The following CCDC63 variants were observed in gnomAD, a reference collection of about 807,000 sequenced individuals.
The protein encoded by CCDC63 is coiled-coil domain containing 63.
CCDC63 carries 54 observed loss-of-function variants against 63.6 expected under a neutral mutation model. The observed-to-expected ratio is 0.85, with a 90% CI of 0.68 to 1.07. CCDC63 has a LOEUF of 1.07. Ranked by LOEUF, CCDC63 falls within the 50% of genes least tolerant of loss-of-function variation. The pLI, the probability that CCDC63 is intolerant of heterozygous loss-of-function variation, is 0.00. For synonymous variants in CCDC63, 253 were observed against 266.1 expected, an observed-to-expected ratio of 0.95 and a Z score of 0.48; for missense variants, 637 against 689.6, an observed-to-expected ratio of 0.92 and a Z score of 0.86.
chr12:110,881,200 G>A lies in CCDC63; in HGVS notation c.757G>A (p.Glu253Lys). Residue 253 changes from glutamate (E) to lysine (K), a missense_variant, in exon 7 of 12, where the codon GAG becomes AAG. Transcript: ENST00000308208. ...SQYNLEIREL[E>K]RLYAHESKLK... is the part of the protein sequence containing the mutation. The stretch of plus-strand genomic sequence containing the variant: ...GTACAACCTGGAGATCCGAGAGCTG[G>A]AGCGTCTCTATGCCCATGAGAGCAA... 1 of 1,613,728 alleles carries A rather than the reference G, an allele frequency of 6.2e-7. No homozygotes were observed. The highest frequency in any genetic ancestry group is 8.5e-7 in the Non-Finnish European group (1 of 1,179,978).
chr12:110,886,299 T>A (rs2071277539), intron 8 of CCDC63, among the ~76,000 whole-genome samples: 1 of 152,010 alleles, frequency 6.6e-6, no homozygotes, highest in South Asian at 2.1e-4. Flanking sequence ...GGCAGGAGAA[T>A]CCTTTGAACC....
intron 4 of CCDC63, among the ~76,000 whole-genome samples, chr12:110,864,315 G>A (rs2070906463): frequency 6.6e-6 from 1 of 152,028 alleles, no homozygotes; most frequent in African/African-American, 2.4e-5. Flanking sequence ...AAAGTTTTCT[G>A]AGTCCTACAC....
chr12:110,896,517 T>C (rs1488043359), intron 9 of CCDC63, among the ~76,000 whole-genome samples: 1 of 152,126 alleles, frequency 6.6e-6, no homozygotes, highest in Admixed American at 6.6e-5. Flanking sequence ...CCCCTTGAGA[T>C]CATTATCCGG....
rs532151775 is a variant in CCDC63, at chr12:110,887,634, T to A, written c.1074+3384T>A. 3.7e-3 allele frequency among the ~76,000 whole-genome samples: 561 copies of A among 151,910 alleles called. 4 individuals carry two copies. The highest frequency in any genetic ancestry group is 0.013 in the African/African-American group (532 of 41,438). On this transcript the variant is annotated intron_variant, in intron 8 of 11. Transcript: ENST00000308208. Reference sequence around the variant, plus strand: ...GACTAAGGGATCAGGTTAAAAAAATTTTTTTTTAATTAAAAACAATTAGAA... The same window carrying A: ...GACTAAGGGATCAGGTTAAAAAAATATTTTTTTAATTAAAAACAATTAGAA...
At chr12:110,854,971 T>G (rs2070752991) in intron 3 of CCDC63, among the ~76,000 whole-genome samples, 1 of 151,600 alleles carries the variant, frequency 6.6e-6, no homozygotes. Flanking sequence ...GCTAATTTTT[T>G]GTATCGATGG....
chr12:110,871,343 G>A (rs192164195), intron 4 of CCDC63, among the ~76,000 whole-genome samples: 5 of 152,018 alleles, frequency 3.3e-5, no homozygotes, highest in East Asian at 1.9e-4. Context: ...GGGTTTCACC[G>A]TGTTAGCTAG....
intron 9 of CCDC63, among the ~76,000 whole-genome samples, chr12:110,897,258 G>T (rs1183920353): frequency 2.0e-5 from 3 of 146,882 alleles, no homozygotes; most frequent in Non-Finnish European, 3.0e-5. Flanking sequence ...AACATGGTAA[G>T]AACTTGTCTC....
At chr12:110,857,834 C>T (rs754239550) in intron 3 of CCDC63, among the ~76,000 whole-genome samples, 2 of 152,114 alleles carry the variant, frequency 1.3e-5, no homozygotes, top group Non-Finnish European at 2.9e-5. Flanking sequence ...TGGCCAGGCA[C>T]GGTGGCTCAT....
rs778463478 is a variant in CCDC63 at position 110,907,290 on chromosome 12, T to C, written c.1547-41T>C. On this transcript the variant is annotated intron_variant, in intron 11 of 11. Transcript: ENST00000308208. The surrounding 1 kb of genome is among the most constrained non-coding windows in gnomAD (Gnocchi z 4.4). ...ACCAGGCTTAGCCCCAGCCCTGGGG[T>C]TGATTTCCCAGCACCTCACACAAAT... 6.3e-7 allele frequency: 1 copy of C among 1,595,906 alleles called. No homozygotes were observed. The highest frequency in any genetic ancestry group is 8.5e-7 in the Non-Finnish European group (1 of 1,170,736).
At position 110,853,404 on chromosome 12, in the gene CCDC63, G is replaced by A; in HGVS notation, c.10-1G>A. 1.9e-6 allele frequency: 3 copies of A among 1,607,612 alleles called. No individual in the cohort carries two copies. The highest frequency in any genetic ancestry group is 1.7e-6 in the Non-Finnish European group (2 of 1,178,260). On this transcript the variant is annotated splice_acceptor_variant, in intron 2 of 11. Transcript: ENST00000308208. LOFTEE classifies it high-confidence loss of function. ...CTCCCACTCCTCTCCATCTCCCCCA[G>A]TTGAAGAAGAACAGGAGAAAAGACT...
At chr12:110,845,272 G>A (rs1177487117), upstream of CCDC63, among the ~76,000 whole-genome samples, 1 of 152,194 alleles carries the variant, frequency 6.6e-6, no homozygotes, top group Non-Finnish European at 1.5e-5. Context: ...ATTGGGCTCT[G>A]CATGGAGCTG....
intron 4 of CCDC63, among the ~76,000 whole-genome samples, chr12:110,871,475 A>G (rs1347579546): frequency 6.7e-6 from 1 of 150,130 alleles, no homozygotes; most frequent in East Asian, 1.9e-4. Context: ...ACTCCCAAAA[A>G]CCATAACACT....
At chr12:110,876,061 G>A (rs2071125545) in intron 5 of CCDC63, among the ~76,000 whole-genome samples, 1 of 149,340 alleles carries the variant, frequency 6.7e-6, no homozygotes. Context: ...AGCCGAGATT[G>A]TGCCACTGTA....
At chr12:110,879,302 AT>A (rs1008625007) in intron 5 of CCDC63, among the ~76,000 whole-genome samples, 2 of 152,174 alleles carry the variant, frequency 1.3e-5, no homozygotes, top group African/African-American at 4.8e-5. Flanking sequence ...ATTGAGGGTG[AT>A]TTTGCCTCCA....
intron 9 of CCDC63, among the ~76,000 whole-genome samples, chr12:110,897,025 G>C (rs2071423269): frequency 6.6e-6 from 1 of 152,190 alleles, no homozygotes; most frequent in Non-Finnish European, 1.5e-5. Flanking sequence ...CACTGGGCTA[G>C]GGCAATGTGT....
chr12:110,847,901 T>C (rs1394143732), intron 1 of CCDC63, among the ~76,000 whole-genome samples: 1 of 152,236 alleles, frequency 6.6e-6, no homozygotes. Flanking sequence ...GATCTCTGCC[T>C]GGAGGAAACT....
intron 3 of CCDC63, among the ~76,000 whole-genome samples, chr12:110,854,255 C>CTTTTT (rs59793950): frequency 3.7e-5 from 4 of 106,732 alleles, no homozygotes; most frequent in East Asian, 2.8e-4. Context: ...CATTTCTTTT[C>CTTTTT]TTTTTTTTTT....
intron 1 of CCDC63, among the ~76,000 whole-genome samples, chr12:110,849,405 G>C (rs1430170862): frequency 6.6e-6 from 1 of 151,836 alleles, no homozygotes; most frequent in Non-Finnish European, 1.5e-5. Flanking sequence ...TCTCTTCATG[G>C]TCATGGGAGG....
chr12:110,893,408 G>T (rs1239558741), intron 9 of CCDC63, among the ~76,000 whole-genome samples: 4 of 152,158 alleles, frequency 2.6e-5, no homozygotes, highest in Non-Finnish European at 5.9e-5. Flanking sequence ...CCCCTTTTCA[G>T]GGAGTCCAGC....
Sources: gnomAD v4.1 joint callset for allele counts (sites outside exome capture counted in the v4.1 genomes callset) on GRCh38, gnomAD v4.1.1 for gene constraint, Gnocchi (gnomAD v3.1) non-coding constraint, MANE v1.5 for transcripts, NCBI Gene and HGNC (gene_info 2026-07-23, HGNC 2026-07-21) for gene names.